The following ATAD5 variants were observed in gnomAD, a reference collection of about 807,000 sequenced individuals.
ATAD5 encodes ATPase family AAA domain-containing protein 5.
A neutral mutation model predicts 176.9 loss-of-function variants in ATAD5; 58 were observed. The observed-to-expected ratio is 0.33, with a 90% CI of 0.27 to 0.41. The LOEUF is 0.41. Ranked by LOEUF, ATAD5 falls within the 10% of genes least tolerant of loss-of-function variation. ATAD5 has a pLI of 1.00. For missense variants in ATAD5, 1,789 were observed against 2,094.1 expected (o/e 0.85, Z 2.84); for synonymous variants, 640 against 712.6 (o/e 0.90, Z 1.62).
chr17:30,878,723 T>TTTTTTG (rs1567696504), intron 17 of ATAD5, among the ~76,000 whole-genome samples: 2 of 82,550 alleles, frequency 2.4e-5, no homozygotes, highest in African/African-American at 5.9e-5. Flanking sequence ...GTGGTGTTTT[T>TTTTTTG]TTTTTTTTTT....
chr17:30,850,854 T>TATATAC (rs1255404715), intron 6 of ATAD5, among the ~76,000 whole-genome samples: 10 of 39,898 alleles, frequency 2.5e-4, no homozygotes, highest in Non-Finnish European at 5.3e-4. Context: ...TATATATATA[T>TATATAC]ATATATATAT....
At chr17:30,881,460 T>C (rs1377567892) in intron 18 of ATAD5, among the ~76,000 whole-genome samples, 3 of 152,156 alleles carry the variant, frequency 2.0e-5, no homozygotes, top group Admixed American at 2.0e-4. Flanking sequence ...CCACCACGCC[T>C]GGCTTATTTT....
At chr17:30,881,171 C>T (rs558888369) in intron 18 of ATAD5, among the ~76,000 whole-genome samples, 3 of 151,350 alleles carry the variant, frequency 2.0e-5, no homozygotes, top group South Asian at 4.2e-4. Flanking sequence ...ACTTGTAATC[C>T]CAGCACTTTG....
chr17:30,893,250 C>G, intron 20 of ATAD5, 44 bp from the exon 21 acceptor site: 1 of 1,515,858 alleles, frequency 6.6e-7, no homozygotes, highest in Non-Finnish European at 8.8e-7. Context: ...AGTATTCAAA[C>G]TATGTACTGC....
rs1443595814 is a variant in ATAD5 at position 30,850,817 on chromosome 17, TTATATTTATATATTTTTATA to T, written c.2451-4320_2451-4301del. 1.1e-3 allele frequency among the ~76,000 whole-genome samples: 105 copies of T among 96,200 alleles called. 1 individual carries two copies. The highest frequency in any genetic ancestry group is 4.6e-3 in the African/African-American group (99 of 21,422). 63.1% of individuals were successfully genotyped at this position (96,200 alleles called of 152,430 possible). A position where few individuals can be genotyped will look rare whatever the true frequency, so the allele number is the denominator to read the frequency against. On this transcript the variant is annotated intron_variant, in intron 6 of 22. Coordinates refer to ENST00000321990, the MANE Select transcript of ATAD5 (RefSeq NM_024857.5). ...ATCATTATTTTAAAGAAATTATTAT[TTATATTTATATATTTTTATA>T]TATATATATATATATATATATATAT...
At chr17:30,860,694 A>G in intron 10 of ATAD5, 82 bp downstream of exon 10, 1 of 1,169,408 alleles carries the variant, frequency 8.6e-7, no homozygotes, top group South Asian at 2.1e-5. Flanking sequence ...GAAGATTTTG[A>G]TATGCTTTTT....
chr17:30,847,716 C>CT (rs1567682169), intron 6 of ATAD5, among the ~76,000 whole-genome samples: 83 of 139,352 alleles, frequency 6.0e-4, no homozygotes, highest in African/African-American at 2.0e-3. Flanking sequence ...CTGCTATGAA[C>CT]ATTTTTTTTT....
intron 19 of ATAD5, among the ~76,000 whole-genome samples, chr17:30,891,395 G>A (rs550183223): frequency 2.0e-4 from 31 of 152,034 alleles, no homozygotes; most frequent in African/African-American, 6.3e-4. Flanking sequence ...TATTTGAGAC[G>A]GAGCCTCACT....
At chr17:30,850,833 T>TTATATATATATATA (rs1312470807) in intron 6 of ATAD5, among the ~76,000 whole-genome samples, 61 of 27,802 alleles carry the variant, frequency 2.2e-3, no homozygotes, top group Admixed American at 5.0e-3. Context: ...TTATATATTT[T>TTATATATATATATA]TATATATATA....
intron 12 of ATAD5, 96 bp from the exon 13 acceptor site, chr17:30,869,152 T>C (rs1908190807): frequency 7.1e-7 from 1 of 1,402,418 alleles, no homozygotes; most frequent in African/African-American, 1.4e-5. Flanking sequence ...TCAGCATCTA[T>C]TGCAAGAAGT....
At chr17:30,833,162 C>T (rs1567675238) in intron 1 of ATAD5, among the ~76,000 whole-genome samples, 1 of 151,894 alleles carries the variant, frequency 6.6e-6, no homozygotes, top group Non-Finnish European at 1.5e-5. Flanking sequence ...AATCTGGTGA[C>T]TTGTCTACTT....
chr17:30,891,099 A>C (rs1909615592), intron 19 of ATAD5, among the ~76,000 whole-genome samples: 1 of 152,156 alleles, frequency 6.6e-6, no homozygotes, highest in Admixed American at 6.5e-5. Context: ...ATATTGATGG[A>C]GAGAATTCTA....
At chr17:30,850,954 G>A (rs1229519818) in intron 6 of ATAD5, among the ~76,000 whole-genome samples, 2 of 124,206 alleles carry the variant, frequency 1.6e-5, no homozygotes, top group African/African-American at 3.1e-5. Flanking sequence ...GCACGATCTC[G>A]ACTCACTGCA....
intron 10 of ATAD5, chr17:30,862,677 G>A (rs1907711053): frequency 6.6e-6 from 1 of 152,356 alleles, no homozygotes; most frequent in South Asian, 2.1e-4. Flanking sequence ...CCAACCTCAG[G>A]TTATCCACCC....
chr17:30,843,861 A>G (rs960514531), intron 4 of ATAD5, 52 bp from the exon 5 acceptor site: 10 of 1,052,000 alleles, frequency 9.5e-6, no homozygotes, highest in African/African-American at 6.6e-5. Flanking sequence ...TGAAATTTCA[A>G]TGATATTAAT....
chr17:30,853,251 G>A (rs555797800), intron 6 of ATAD5, among the ~76,000 whole-genome samples: 81 of 152,062 alleles, frequency 5.3e-4, no homozygotes, highest in African/African-American at 1.8e-3. Flanking sequence ...ATATATGTAT[G>A]TATATGTGTA....
chr17:30,858,382 TATTA>T (rs1907411623), intron 9 of ATAD5, 59 bp downstream of exon 9: 1 of 1,142,208 alleles, frequency 8.8e-7, no homozygotes, highest in South Asian at 3.2e-5. Context: ...TTATATTATT[TATTA>T]TTTTATTTTT....
At chr17:30,881,435 G>A (rs1053961909) in intron 18 of ATAD5, among the ~76,000 whole-genome samples, 2 of 152,122 alleles carry the variant, frequency 1.3e-5, no homozygotes, top group Non-Finnish European at 2.9e-5. Flanking sequence ...TAGTAATTGG[G>A]ATTGGAGACG....
At chr17:30,846,496 G>A (rs1906515548) in intron 6 of ATAD5, among the ~76,000 whole-genome samples, 3 of 149,918 alleles carry the variant, frequency 2.0e-5, no homozygotes, top group South Asian at 2.1e-4. Context: ...TCTGCCTCCC[G>A]GGTTCAAGCG....
Sources: allele counts gnomAD v4.1 joint callset (sites outside exome capture counted in the v4.1 genomes callset), GRCh38; gene constraint gnomAD v4.1.1; transcripts MANE v1.5; gene names NCBI Gene and HGNC (gene_info 2026-07-23, HGNC 2026-07-21).